Variants in ANK3 observed in about 807,000 individuals in gnomAD.
The protein encoded by ANK3 is ankyrin 3, also known as ankyrin-3.
A neutral mutation model predicts 370.9 loss-of-function variants in ANK3; 57 were observed. The observed-to-expected ratio is 0.15, with a 90% CI of 0.12 to 0.19. The LOEUF (loss-of-function observed/expected upper bound fraction) is 0.19. ANK3 is among the 10% of genes least tolerant of loss of function. The probability of loss-of-function intolerance (pLI) is 1.00; values close to 1 mark genes in which losing one functional copy is unlikely to be tolerated. For missense variants in ANK3, 4,439 were observed against 5,302.1 expected, an observed-to-expected ratio of 0.84 and a Z score of 5.06; for synonymous variants, 1,929 against 1,946.3, an observed-to-expected ratio of 0.99 and a Z score of 0.23.
chr10:60,532,332 C>G (rs1357672015), intron 2 of ANK3, among the ~76,000 whole-genome samples: 2 of 152,094 alleles, frequency 1.3e-5, no homozygotes, highest in African/African-American at 4.8e-5. Context: ...ATTTACACAA[C>G]CAGGGTGCTG....
chr10:60,459,514 GCAA>G (rs2064832096), intron 2 of ANK3, among the ~76,000 whole-genome samples: 1 of 151,954 alleles, frequency 6.6e-6, no homozygotes, highest in African/African-American at 2.4e-5. Flanking sequence ...CTATTTTTTT[GCAA>G]CTGCCTGGAA....
At chr10:60,583,356 G>A (rs2077781757) in intron 2 of ANK3, among the ~76,000 whole-genome samples, 1 of 152,082 alleles carries the variant, frequency 6.6e-6, no homozygotes, top group Non-Finnish European at 1.5e-5. Flanking sequence ...GGATAGGGAA[G>A]AAAAGAGGGA....
At chr10:60,296,069 A>G (rs2042432504) in intron 1 of ANK3, among the ~76,000 whole-genome samples, 1 of 152,220 alleles carries the variant, frequency 6.6e-6, no homozygotes, top group East Asian at 1.9e-4. Context: ...AAGACTGAGC[A>G]GGAAGCAAAG....
intron 42 of ANK3, chr10:60,043,955 C>T: frequency 1.0e-6 from 1 of 985,756 alleles, no homozygotes; most frequent in Non-Finnish European, 1.2e-6. Flanking sequence ...CATAAGATGT[C>T]AAAAGCAGCA....
At chr10:60,032,331 C>T (rs145165783) in intron 43 of ANK3, among the ~76,000 whole-genome samples, 2,211 of 150,916 alleles carry the variant, frequency 0.015, 53 homozygotes, top group African/African-American at 0.052. Flanking sequence ...CTCAGTCTCC[C>T]GAGTAGCTGG....
chr10:60,588,784 C>T (rs971066461), intron 2 of ANK3, among the ~76,000 whole-genome samples: 3 of 152,040 alleles, frequency 2.0e-5, no homozygotes, highest in Admixed American at 2.0e-4. Flanking sequence ...GTTGTGCATG[C>T]CTATAGTCCC....
rs1028900492 is a variant in ANK3, at chr10:60,730,589, T to C, written c.57+2674A>G. On this transcript the variant is annotated intron_variant, in intron 1 of 43. Coordinates refer to the ANK3 transcript ENST00000373827. ...TGGATAGAAGGCAAATGAAAAATTT[T>C]AAGCTATTTTCACATGTCGACAAAG... Among the ~76,000 whole-genome samples, 8 of 152,218 alleles carry C rather than the reference T, an allele frequency of 5.3e-5. No individual in the cohort carries two copies. In the South Asian group the frequency reaches 6.2e-4, roughly 12 times the overall value.
rs199845615 is a variant in ANK3 at position 60,082,624 on chromosome 10, T to C, written c.4314A>G (p.Ala1438=). 773 of 1,613,766 alleles carry C rather than the reference T, an allele frequency of 4.8e-4. No individual in the cohort carries two copies. The highest frequency in any genetic ancestry group is 6.4e-4 in the Non-Finnish European group (760 of 1,179,910). Reference sequence around the variant, plus strand: ...CAGTATTAAAAGATACCTTTTTATGTGCTGGCAGAGTGATATTTAAGTTGC... The same window carrying C: ...CAGTATTAAAAGATACCTTTTTATGCGCTGGCAGAGTGATATTTAAGTTGC... The part of the protein sequence containing the change: ...AVCNLNITLP[A]HKKETESDQD... The change falls in exon 34 of 44, where the codon GCA becomes GCG. Residue 1438 remains alanine (A), a synonymous_variant. Transcript: ENST00000280772.
At chr10:60,396,033 G>T (rs188139601) in intron 2 of ANK3, among the ~76,000 whole-genome samples, 1 of 152,262 alleles carries the variant, frequency 6.6e-6, no homozygotes. Flanking sequence ...CCTGAACAGA[G>T]AATACAAAAC....
At chr10:60,456,602 T>C (rs867370517) in intron 2 of ANK3, among the ~76,000 whole-genome samples, 1 of 152,168 alleles carries the variant, frequency 6.6e-6, no homozygotes, top group Admixed American at 6.6e-5. Context: ...CTTCTAACTG[T>C]ATCCTAATAA....
intron 2 of ANK3, among the ~76,000 whole-genome samples, chr10:60,432,543 T>G (rs4072839): frequency 0.088 from 13,345 of 152,272 alleles, 765 homozygotes; most frequent in South Asian, 0.16. Flanking sequence ...CAAAGATATC[T>G]ACTGTATTCT....
rs762093941 is a variant in ANK3 at position 60,198,526 on chromosome 10, T to C, written c.1503A>G (p.Thr501=). 6.2e-7 allele frequency: 1 copy of C among 1,614,162 alleles called. No individual in the cohort carries two copies. Among genetic ancestry groups the C allele is most frequent in the South Asian group, 1.1e-5 (1 of 91,078 alleles). ...CCAGTCGGGCTGAAATGTGGAGTGGTGTTTGGTCATCCTAAACAGCAAGGT... is the reference window on the plus strand; with the variant it reads ...CCAGTCGGGCTGAAATGTGGAGTGGCGTTTGGTCATCCTAAACAGCAAGGT... The part of the protein sequence containing the change: ...QVEAKAKDDQ[T]PLHISARLGK... Residue 501 remains threonine (T), a synonymous_variant, in exon 14 of 44, where the codon ACA becomes ACG. Transcript: ENST00000280772.
chr10:60,403,714 T>C (rs1244790450), intron 2 of ANK3, among the ~76,000 whole-genome samples: 1 of 152,202 alleles, frequency 6.6e-6, no homozygotes, highest in Middle Eastern at 3.2e-3. Context: ...ATTGGCACTC[T>C]TACTATTTCT....
At chr10:60,711,636 G>A (rs1432638910) in intron 1 of ANK3, among the ~76,000 whole-genome samples, 6 of 151,896 alleles carry the variant, frequency 4.0e-5, no homozygotes, top group Admixed American at 2.0e-4. Flanking sequence ...AGAAGAAAGA[G>A]AGAAAAGAAC....
chr10:60,299,758 G>T (rs895450203), intron 1 of ANK3, among the ~76,000 whole-genome samples: 1 of 152,048 alleles, frequency 6.6e-6, no homozygotes, highest in South Asian at 2.1e-4. Context: ...TAAACAAGAT[G>T]ACTTATTTAT....
chr10:60,556,013 G>A (rs1027150630), intron 2 of ANK3, among the ~76,000 whole-genome samples: 11 of 152,282 alleles, frequency 7.2e-5, no homozygotes, highest in South Asian at 4.1e-4. Context: ...GCCCAAAATC[G>A]TGGGCCAAAG....
chr10:60,241,338 T>C lies in ANK3; in HGVS notation c.799-6552A>G, dbSNP rs549670793. Among the ~76,000 whole-genome samples, 4 of 152,340 alleles carry C rather than the reference T, an allele frequency of 2.6e-5. No individual in the cohort carries two copies. The South Asian group carries it at 8.3e-4, about 32-fold the overall frequency. Reference sequence around the variant, plus strand: ...TCAAACAAAAAAGTAAATACGATTGTAATTTTATATATATTAGTTTCTTAA... The same window carrying C: ...TCAAACAAAAAAGTAAATACGATTGCAATTTTATATATATTAGTTTCTTAA... On this transcript the variant is annotated intron_variant, in intron 7 of 43. Coordinates refer to ENST00000280772, the MANE Select transcript of ANK3 (RefSeq NM_020987.5).
chr10:60,636,922 T>A (rs2078562625), intron 1 of ANK3, among the ~76,000 whole-genome samples: 1 of 152,166 alleles, frequency 6.6e-6, no homozygotes. Flanking sequence ...ACCCATGAAA[T>A]GGAGAAGATA....
Position 60,186,748 on chromosome 10 carries a change from G to A in ANK3, c.2052C>T (p.Leu684=), listed in dbSNP as rs189921774. 5.8e-5 allele frequency: 94 copies of A among 1,614,042 alleles called. No homozygotes were observed. Among genetic ancestry groups the A allele is most frequent in the East Asian group, 1.3e-4 (6 of 44,870 alleles). The change falls in exon 17 of 44, where the codon CTC becomes CTT. Residue 684 remains leucine, a synonymous_variant. Coordinates refer to ENST00000280772, the MANE Select transcript of ANK3 (RefSeq NM_020987.5). ...EGHVDMVSLL[L]GRNANVNLSN... ...TCAGGTTCACATTCGCATTTCTACC[G>A]AGGAGCAGCGACACCATGTCCACGT...
Sources: gnomAD v4.1 joint callset for allele counts (sites outside exome capture counted in the v4.1 genomes callset) on GRCh38, gnomAD v4.1.1 for gene constraint, MANE v1.5 for transcripts, NCBI Gene and HGNC (gene_info 2026-07-23, HGNC 2026-07-21) for gene names.